Variants in ARHGAP24 observed in about 807,000 individuals in gnomAD.
The protein encoded by ARHGAP24 is Rho GTPase activating protein 24.
A neutral mutation model predicts 76.4 loss-of-function variants in ARHGAP24; 50 were observed. The observed-to-expected ratio is 0.65, with a 90% CI of 0.52 to 0.83. ARHGAP24 has a LOEUF of 0.83. ARHGAP24 is among the 40% of genes least tolerant of loss of function. ARHGAP24 has a pLI of 0.00. For missense variants in ARHGAP24, 930 were observed against 914.2 expected, an observed-to-expected ratio of 1.02 and a Z score of -0.22; for synonymous variants, 345 against 323.3, an observed-to-expected ratio of 1.07 and a Z score of -0.72.
chr4:85,671,337 C>T (rs1409642408), intron 2 of ARHGAP24, among the ~76,000 whole-genome samples: 2 of 152,098 alleles, frequency 1.3e-5, no homozygotes, highest in African/African-American at 4.8e-5. Flanking sequence ...TGTGTTTCCT[C>T]TATATTTTAA....
rs70948733 is a variant in ARHGAP24, at chr4:85,541,142, CTTTTTTTTTTTTT to C, written c.-20-29363_-20-29351del. Among the ~76,000 whole-genome samples the C allele has an allele frequency of 8.2e-3, 406 of 49,808 alleles. 7 individuals carry two copies. The highest frequency in any genetic ancestry group is 0.032 in the South Asian group (23 of 730). 32.7% of individuals were successfully genotyped at this position (49,808 alleles called of 152,430 possible). A position where few individuals can be genotyped will look rare whatever the true frequency, so the allele number is the denominator to read the frequency against. ...TGTGTCTTCTGCTAGCATCCATGAC[CTTTTTTTTTTTTT>C]TTTTTTTTTTTTTTTTGAGACGGAG... On this transcript the variant is annotated intron_variant, in intron 1 of 9. Coordinates refer to ENST00000395184, the MANE Select transcript of ARHGAP24 (RefSeq NM_001025616.3).
chr4:85,825,620 A>ATTT (rs1434728066), intron 3 of ARHGAP24, among the ~76,000 whole-genome samples: 1 of 152,234 alleles, frequency 6.6e-6, no homozygotes, highest in Non-Finnish European at 1.5e-5. Context: ...CTTCAATTGA[A>ATTT]AAACAAGCAG....
At chr4:85,644,823 A>G (rs563346274) in intron 2 of ARHGAP24, among the ~76,000 whole-genome samples, 2 of 152,198 alleles carry the variant, frequency 1.3e-5, no homozygotes, top group Admixed American at 1.3e-4. Flanking sequence ...TTTTAATTAT[A>G]TGACAATTAT....
At chr4:85,993,000 G>C (rs146180310) in intron 8 of ARHGAP24, among the ~76,000 whole-genome samples, 2 of 151,848 alleles carry the variant, frequency 1.3e-5, no homozygotes, top group Non-Finnish European at 2.9e-5. Context: ...TGATCACATC[G>C]TCTCTGTGCC....
At chr4:85,856,492 A>G (rs1731577792) in intron 3 of ARHGAP24, among the ~76,000 whole-genome samples, 1 of 104,434 alleles carries the variant, frequency 9.6e-6, no homozygotes, top group African/African-American at 3.5e-5. Context: ...TTTTTTTGAG[A>G]CAAAGTCTCT....
chr4:85,947,079 T>C (rs923189648), intron 5 of ARHGAP24, among the ~76,000 whole-genome samples: 5 of 152,168 alleles, frequency 3.3e-5, no homozygotes, highest in Non-Finnish European at 7.4e-5. Context: ...TCTCTGATGA[T>C]TGGTGATGAT....
At chr4:85,876,838 A>C (rs538717480) in intron 3 of ARHGAP24, among the ~76,000 whole-genome samples, 17 of 152,248 alleles carry the variant, frequency 1.1e-4, no homozygotes, top group Admixed American at 4.6e-4. Context: ...ACCACTTCAT[A>C]ATAAGCATGG....
Position 85,508,127 on chromosome 4 carries a change from T to C in ARHGAP24, c.-21+32568T>C, listed in dbSNP as rs561578081. Reference sequence around the variant, plus strand: ...AGTTTCCAGATATATGGCCTCAGGATTGAATTTTTCCTCTGGAGAGAAAAC... The same window carrying C: ...AGTTTCCAGATATATGGCCTCAGGACTGAATTTTTCCTCTGGAGAGAAAAC... On this transcript the variant is annotated intron_variant, in intron 1 of 9. Transcript: ENST00000395184. Among the ~76,000 whole-genome samples the C allele has an allele frequency of 2.0e-5, 3 of 152,270 alleles. No individual in the cohort carries two copies. The East Asian group carries it at 5.8e-4, about 29-fold the overall frequency.
At chr4:85,885,584 A>G (rs1733518783) in intron 3 of ARHGAP24, among the ~76,000 whole-genome samples, 1 of 152,154 alleles carries the variant, frequency 6.6e-6, no homozygotes, top group Non-Finnish European at 1.5e-5. Context: ...TTCTTGGATC[A>G]TAGACTATAT....
In ARHGAP24 at chr4:85,822,754, A is replaced by G. The variant is rs183162264; in HGVS notation, c.268+100782A>G. Among the ~76,000 whole-genome samples the G allele has an allele frequency of 5.4e-3, 825 of 152,308 alleles. 2 individuals are homozygous for G. The highest frequency in any genetic ancestry group is 0.01 in the Middle Eastern group (3 of 294). ...AATGTATTATGCTCTTTATATTTATACCATATCTATTCTCTTTATATTTGA... is the reference window on the plus strand; with the variant it reads ...AATGTATTATGCTCTTTATATTTATGCCATATCTATTCTCTTTATATTTGA... On this transcript the variant is annotated intron_variant, in intron 3 of 9. Coordinates refer to ENST00000395184, the MANE Select transcript of ARHGAP24 (RefSeq NM_001025616.3).
At chr4:85,997,326 T>TGATA (rs70948773) in intron 9 of ARHGAP24, among the ~76,000 whole-genome samples, 40,488 of 142,236 alleles carry the variant, frequency 0.28, 5,644 homozygotes, top group South Asian at 0.42. Context: ...GATAGATAGA[T>TGATA]GATAGATAGA....
chr4:85,980,632 T>C (rs12504340), intron 8 of ARHGAP24, among the ~76,000 whole-genome samples: 31,778 of 152,190 alleles, frequency 0.21, 3,585 homozygotes, highest in South Asian at 0.39. Flanking sequence ...ATTTTAGTCC[T>C]CATTTAATCT....
chr4:85,894,099 T>A (rs202220453), intron 3 of ARHGAP24, among the ~76,000 whole-genome samples: 27,991 of 131,076 alleles, frequency 0.21, 3,275 homozygotes, highest in South Asian at 0.32. Context: ...TAGAGTATAA[T>A]AAAAAAAAAA....
At chr4:85,969,851 A>G (rs1738858884) in intron 5 of ARHGAP24, among the ~76,000 whole-genome samples, 1 of 152,194 alleles carries the variant, frequency 6.6e-6, no homozygotes, top group Admixed American at 6.5e-5. Context: ...TGAGGATTGC[A>G]GTTTTGAAGA....
At chr4:85,716,336 C>A (rs1298451675) in intron 2 of ARHGAP24, among the ~76,000 whole-genome samples, 1 of 152,052 alleles carries the variant, frequency 6.6e-6, no homozygotes, top group Non-Finnish European at 1.5e-5. Context: ...TTTGCCAACT[C>A]TTAGCTGTCA....
chr4:85,751,933 C>A (rs1726279920), intron 3 of ARHGAP24, among the ~76,000 whole-genome samples: 1 of 152,196 alleles, frequency 6.6e-6, no homozygotes, highest in Non-Finnish European at 1.5e-5. Context: ...TATGGCACTG[C>A]CTAGCACAGT....
intron 2 of ARHGAP24, among the ~76,000 whole-genome samples, chr4:85,658,339 C>A (rs1048136939): frequency 6.6e-6 from 1 of 152,068 alleles, no homozygotes; most frequent in Admixed American, 6.5e-5. Flanking sequence ...TTACTTTAGA[C>A]CCTGAGACAA....
At chr4:85,613,663 C>T (rs961326497) in intron 2 of ARHGAP24, among the ~76,000 whole-genome samples, 2 of 152,144 alleles carry the variant, frequency 1.3e-5, no homozygotes, top group Admixed American at 6.5e-5. Context: ...TAGCAGAAAC[C>T]TATTCACATT....
intron 1 of ARHGAP24, among the ~76,000 whole-genome samples, chr4:85,519,646 G>T (rs182373227): frequency 4.7e-4 from 71 of 152,240 alleles, no homozygotes; most frequent in African/African-American, 1.7e-3. Context: ...AACTGACTTA[G>T]CCTGGAAGCC....
Sources: allele counts gnomAD v4.1 joint callset (sites outside exome capture counted in the v4.1 genomes callset), GRCh38; gene constraint gnomAD v4.1.1; transcripts MANE v1.5; gene names NCBI Gene and HGNC (gene_info 2026-07-23, HGNC 2026-07-21).